ATP8A2: variants seen among roughly 807,000 people sequenced by gnomAD.
ATP8A2 encodes ATPase phospholipid transporting 8A2.
A neutral mutation model predicts 165.6 loss-of-function variants in ATP8A2; 100 were observed. The ratio of observed to expected loss-of-function variants is 0.60; its 90% CI spans 0.51 to 0.71. The LOEUF is 0.71. Ranked by LOEUF, ATP8A2 falls within the 30% of genes least tolerant of loss-of-function variation. The probability of loss-of-function intolerance (pLI) is 0.00; values close to 1 mark genes in which losing one functional copy is unlikely to be tolerated. For synonymous variants in ATP8A2, 543 were observed against 548.8 expected (o/e 0.99, Z 0.15); for missense variants, 1,227 against 1,479.5 (o/e 0.83, Z 2.80).
chr13:25,613,701 A>G (rs1372259761), intron 24 of ATP8A2, among the ~76,000 whole-genome samples: 1 of 152,188 alleles, frequency 6.6e-6, no homozygotes, highest in Non-Finnish European at 1.5e-5. Flanking sequence ...TATGAAGCTT[A>G]GTTTCTCTGG....
chr13:25,670,178 A>C (rs1001437144), intron 24 of ATP8A2, among the ~76,000 whole-genome samples: 2 of 152,184 alleles, frequency 1.3e-5, no homozygotes, highest in Admixed American at 1.3e-4. Flanking sequence ...TAGCTTACTT[A>C]TTATTTTAGT....
At chr13:25,394,709 G>GA (rs950026205) in intron 1 of ATP8A2, among the ~76,000 whole-genome samples, 24 of 150,038 alleles carry the variant, frequency 1.6e-4, no homozygotes, top group East Asian at 3.9e-4. Context: ...ATGCAGAAAG[G>GA]AAAAAAAAAG....
rs572380682 is a variant in ATP8A2 at position 25,646,650 on chromosome 13, A to C, written c.2212-52523A>C. 9.2e-5 allele frequency among the ~76,000 whole-genome samples: 9 copies of C among 97,598 alleles called. No individual in the cohort carries two copies. The South Asian group carries it at 2.7e-3, about 29-fold the overall frequency. 64.0% of individuals were successfully genotyped at this position (97,598 alleles called of 152,430 possible). A position where few individuals can be genotyped will look rare whatever the true frequency, so the allele number is the denominator to read the frequency against. On this transcript the variant is annotated intron_variant, in intron 24 of 36. Coordinates refer to ENST00000381655, the MANE Select transcript of ATP8A2 (RefSeq NM_016529.6). ...AGCCTGGGCAACAGAGTGAGACTCC[A>C]TCTCAAAAAAAAAAAAAAAAACACA...
At chr13:25,860,762 A>C in intron 31 of ATP8A2, 42 bp from the exon 32 acceptor site, 1 of 1,458,556 alleles carries the variant, frequency 6.9e-7, no homozygotes, top group Non-Finnish European at 9.5e-7. Flanking sequence ...AAAATAACTC[A>C]TTGAGAATAA....
chr13:25,668,231 C>T (rs996797278), intron 24 of ATP8A2, among the ~76,000 whole-genome samples: 4 of 152,118 alleles, frequency 2.6e-5, no homozygotes. Flanking sequence ...AGGCCTAGCT[C>T]CTTTAGCTAC....
At chr13:25,850,137 T>C (rs1951969172) in intron 30 of ATP8A2, among the ~76,000 whole-genome samples, 1 of 152,166 alleles carries the variant, frequency 6.6e-6, no homozygotes, top group African/African-American at 2.4e-5. Context: ...CTGATCTCAG[T>C]CTAGTTCCGG....
rs190612439 is a variant in ATP8A2 at position 25,732,804 on chromosome 13, A to G, written c.2384+33459A>G. On this transcript the variant is annotated intron_variant, in intron 25 of 36. Coordinates refer to ENST00000381655, the MANE Select transcript of ATP8A2 (RefSeq NM_016529.6). ...AAGAACTAGCCTATTGCTGAAAAAAAGTTGTACCCTGTATTATTGCTTTTT... is the reference window on the plus strand; with the variant it reads ...AAGAACTAGCCTATTGCTGAAAAAAGGTTGTACCCTGTATTATTGCTTTTT... 3.3e-5 allele frequency among the ~76,000 whole-genome samples: 5 copies of G among 152,348 alleles called. No homozygotes were observed. In the East Asian group the frequency reaches 9.6e-4, roughly 29 times the overall value.
At chr13:25,861,316 T>C (rs148337917) in intron 32 of ATP8A2, among the ~76,000 whole-genome samples, 10 of 152,360 alleles carry the variant, frequency 6.6e-5, no homozygotes, top group African/African-American at 2.4e-4. Context: ...TAATCCCTTT[T>C]AATTTAAATA....
At chr13:25,837,910 C>T (rs74038034) in intron 29 of ATP8A2, among the ~76,000 whole-genome samples, 3,324 of 152,214 alleles carry the variant, frequency 0.022, 131 homozygotes, top group African/African-American at 0.074. Flanking sequence ...TTAAAGGGGT[C>T]GTGCAGTCTC....
At position 25,953,534 on chromosome 13, in the gene ATP8A2, A is replaced by C. The variant is rs1267989054; in HGVS notation, c.3184-8041A>C. ...ACTCCAGCCTTTTTAAAAAAAAAAA[A>C]AAAAAAAAAAAAGCAAGGGAAATAG... is the stretch of plus-strand genomic sequence containing the variant. On this transcript the variant is annotated intron_variant, in intron 33 of 36. Coordinates refer to ENST00000381655, the MANE Select transcript of ATP8A2 (RefSeq NM_016529.6). The surrounding 1 kb of genome is among the most constrained non-coding windows in gnomAD (Gnocchi z 6.7). Among the ~76,000 whole-genome samples the C allele has an allele frequency of 7.2e-6, 1 of 139,474 alleles. No individual in the cohort carries two copies. The highest frequency in any genetic ancestry group is 2.7e-5 in the African/African-American group (1 of 36,896). 91.5% of individuals were successfully genotyped at this position (139,474 alleles called of 152,430 possible). A position where few individuals can be genotyped will look rare whatever the true frequency, so the allele number is the denominator to read the frequency against.
In ATP8A2 at chr13:26,004,716, G is replaced by A. The variant is rs147288084; in HGVS notation, c.3378-7815G>A. Among the ~76,000 whole-genome samples, 200 of 151,910 alleles carry A rather than the reference G, an allele frequency of 1.3e-3. 1 individual carries two copies. Among genetic ancestry groups the A allele is most frequent in the African/African-American group, 4.7e-3 (194 of 41,516 alleles). On this transcript the variant is annotated intron_variant, in intron 35 of 36. Coordinates refer to ENST00000381655, the MANE Select transcript of ATP8A2 (RefSeq NM_016529.6). ...ATCTGTTGAGTTTTATCATGAAGAGGTGTTGATTGGCTTTTCTGCATCTAT... is the reference window on the plus strand; with the variant it reads ...ATCTGTTGAGTTTTATCATGAAGAGATGTTGATTGGCTTTTCTGCATCTAT...
At position 25,559,079 on chromosome 13, in the gene ATP8A2, T is replaced by C. The variant is rs765504525; in HGVS notation, c.1352+18T>C. 6.6e-7 allele frequency: 1 copy of C among 1,516,462 alleles called. No homozygotes were observed. The highest frequency in any genetic ancestry group is 1.4e-5 in the African/African-American group (1 of 71,848). The allele number at this position is 1,516,462 out of a possible 1,614,324, so 93.9% of individuals were successfully genotyped here. On this transcript the variant is annotated intron_variant, in intron 14 of 36. Transcript: ENST00000381655. ...ACCTATGGGTCAGTGTGTTTATCAT[T>C]TACTGAAAATTTACTTGTATTCTTT...
At chr13:25,719,710 C>A (rs1457359419) in intron 25 of ATP8A2, among the ~76,000 whole-genome samples, 1 of 152,214 alleles carries the variant, frequency 6.6e-6, no homozygotes, top group Non-Finnish European at 1.5e-5. Flanking sequence ...AGCAAGGGTT[C>A]TGAAAATGAC....
intron 33 of ATP8A2, among the ~76,000 whole-genome samples, 187 bp from the exon 34 acceptor site, chr13:25,961,388 G>A (rs1423084088): frequency 1.3e-5 from 2 of 152,236 alleles, no homozygotes; most frequent in African/African-American, 4.8e-5. Context: ...TAAGAAGAGA[G>A]AAGGCTGCAG....
intron 33 of ATP8A2, among the ~76,000 whole-genome samples, chr13:25,886,133 A>G (rs1425808434): frequency 6.6e-6 from 1 of 152,236 alleles, no homozygotes; most frequent in East Asian, 1.9e-4. Flanking sequence ...TAGTTCTGAA[A>G]TTGACAAGCA....
At chr13:25,492,433 T>G (rs1006103852) in intron 2 of ATP8A2, among the ~76,000 whole-genome samples, 6 of 152,172 alleles carry the variant, frequency 3.9e-5, no homozygotes, top group Non-Finnish European at 2.9e-5. Context: ...TAGTTATCAC[T>G]GAAAGAAATT....
chr13:25,982,974 A>C (rs567617137), intron 35 of ATP8A2, among the ~76,000 whole-genome samples: 14 of 152,242 alleles, frequency 9.2e-5, no homozygotes, highest in African/African-American at 1.7e-4. Flanking sequence ...CATTCCATCA[A>C]GTTTACTTCA....
At chr13:25,827,587 A>T (rs1951353429) in intron 27 of ATP8A2, among the ~76,000 whole-genome samples, 1 of 152,220 alleles carries the variant, frequency 6.6e-6, no homozygotes, top group Non-Finnish European at 1.5e-5. Context: ...TCAAAAAATG[A>T]TTTGAACATG....
chr13:25,986,623 T>C (rs1956284380), intron 35 of ATP8A2, among the ~76,000 whole-genome samples: 1 of 152,230 alleles, frequency 6.6e-6, no homozygotes, highest in African/African-American at 2.4e-5. Context: ...ACACGTAGGT[T>C]GATTCCATAT....
Sources: allele counts gnomAD v4.1 joint callset (sites outside exome capture counted in the v4.1 genomes callset), GRCh38; gene constraint gnomAD v4.1.1; non-coding constraint Gnocchi (gnomAD v3.1); transcripts MANE v1.5; gene names NCBI Gene and HGNC (gene_info 2026-07-23, HGNC 2026-07-21).